Variants in KIAA1755 observed in about 807,000 individuals in gnomAD.
The protein encoded by KIAA1755 is uncharacterized protein KIAA1755.
In KIAA1755, 68 loss-of-function variants were observed where a neutral mutation model predicts 91.7. The ratio of observed to expected loss-of-function variants is 0.74; its 90% CI spans 0.61 to 0.91. KIAA1755 has a LOEUF of 0.91. Ranked by LOEUF, KIAA1755 falls within the 40% of genes least tolerant of loss-of-function variation. The probability of loss-of-function intolerance (pLI) is 0.00; values close to 1 mark genes in which losing one functional copy is unlikely to be tolerated. For synonymous variants in KIAA1755, 610 were observed against 604.6 expected, an observed-to-expected ratio of 1.01 and a Z score of -0.13; for missense variants, 1,535 against 1,494.4, an observed-to-expected ratio of 1.03 and a Z score of -0.45.
intron 11 of KIAA1755, among the ~76,000 whole-genome samples, chr20:38,219,004 A>C (rs528461397): frequency 6.6e-6 from 1 of 152,284 alleles, no homozygotes; most frequent in African/African-American, 2.4e-5. Flanking sequence ...CTTTATCTTC[A>C]CAGATCCAAT....
chr20:38,239,771 G>A (rs1231504582), intron 3 of KIAA1755, 46 bp from the exon 4 acceptor site: 1 of 1,523,314 alleles, frequency 6.6e-7, no homozygotes, highest in Non-Finnish European at 9.0e-7. Context: ...GCAGAAGATG[G>A]GCTTTCTAAG....
At chr20:38,239,417 G>T in intron 4 of KIAA1755, 111 bp downstream of exon 4, 2 of 930,852 alleles carry the variant, frequency 2.1e-6, no homozygotes, top group Non-Finnish European at 3.3e-6. Flanking sequence ...GCTTGGTCTA[G>T]AACCTAGGCC....
chr20:38,223,429 A>G, intron 9 of KIAA1755, 109 bp downstream of exon 9: 1 of 702,802 alleles, frequency 1.4e-6, no homozygotes, highest in Non-Finnish European at 2.2e-6. Flanking sequence ...GATGAAAAAC[A>G]GGAATAATGT....
Position 38,211,705 on chromosome 20 carries a change from G to A in KIAA1755, c.*1337C>T, listed in dbSNP as rs1454583552. Reference sequence around the variant, plus strand: ...TCTAAGGCGGAGAGGATTCTCTCTGGAGGACAAGGACAAGGTTCCACAGGG... The same window carrying A: ...TCTAAGGCGGAGAGGATTCTCTCTGAAGGACAAGGACAAGGTTCCACAGGG... On this transcript the variant is annotated 3_prime_UTR_variant, in exon 14 of 14. Transcript: ENST00000279024. The A allele has an allele frequency of 6.6e-6, 1 of 152,254 alleles. No homozygotes were observed. The highest frequency in any genetic ancestry group is 6.5e-5 in the Admixed American group (1 of 15,282). 9.4% of individuals were successfully genotyped at this position (152,254 alleles called of 1,614,324 possible).
chr20:38,228,128 C>A lies in KIAA1755; in HGVS notation c.1965+19G>T. The A allele has an allele frequency of 6.3e-7, 1 of 1,578,508 alleles. No individual in the cohort carries two copies. ...GCTCCCAGGACTTACTAGGCTAAGG[C>A]TCTCCACCTCCCACTCACCTGGGTG... On this transcript the variant is annotated intron_variant, in intron 6 of 13. Coordinates refer to ENST00000279024, the MANE Select transcript of KIAA1755 (RefSeq NM_001029864.2).
intron 2 of KIAA1755, among the ~76,000 whole-genome samples, chr20:38,245,005 C>G (rs949827371): frequency 2.4e-4 from 36 of 152,314 alleles, no homozygotes; most frequent in African/African-American, 8.4e-4. Context: ...GGATTACAGG[C>G]ATGAGCCACC....
intron 7 of KIAA1755, 40 bp downstream of exon 7, chr20:38,227,114 C>A (rs2075770755): frequency 6.6e-7 from 1 of 1,519,264 alleles, no homozygotes; most frequent in African/African-American, 1.4e-5. Context: ...TCGAGCCCAA[C>A]AACTCCCTTC....
At chr20:38,254,616 T>G (rs1600663949) in intron 1 of KIAA1755, among the ~76,000 whole-genome samples, 2 of 151,826 alleles carry the variant, frequency 1.3e-5, no homozygotes, top group African/African-American at 4.8e-5. Context: ...AGTGACAGCC[T>G]GTCTCTATAA....
At chr20:38,223,119 GC>G (rs982810098) in intron 9 of KIAA1755, 6 of 196,646 alleles carry the variant, frequency 3.1e-5, no homozygotes, top group Non-Finnish European at 6.2e-5. Flanking sequence ...ACATGTGTTT[GC>G]CCCCTGCCTG....
intron 13 of KIAA1755, among the ~76,000 whole-genome samples, chr20:38,215,976 A>G (rs2075536849): frequency 6.6e-6 from 1 of 152,152 alleles, no homozygotes; most frequent in East Asian, 1.9e-4. Flanking sequence ...TAGCTGTGTG[A>G]CCCTGGGTGA....
At chr20:38,232,847 G>A (rs934714656) in intron 4 of KIAA1755, among the ~76,000 whole-genome samples, 9 of 152,152 alleles carry the variant, frequency 5.9e-5, no homozygotes, top group African/African-American at 2.2e-4. Flanking sequence ...GCCGGGTGCA[G>A]TGGCTCATGC....
At chr20:38,244,085 A>G (rs1424252161) in intron 2 of KIAA1755, among the ~76,000 whole-genome samples, 1 of 152,200 alleles carries the variant, frequency 6.6e-6, no homozygotes, top group Non-Finnish European at 1.5e-5. Context: ...ATATTTGCCT[A>G]TCATTACAAT....
At chr20:38,220,931 G>A (rs536648934) in intron 10 of KIAA1755, among the ~76,000 whole-genome samples, 100 of 152,356 alleles carry the variant, frequency 6.6e-4, no homozygotes, top group Admixed American at 1.0e-3. Context: ...AGGAAGAAGT[G>A]TGGATGGGAT....
In KIAA1755 at chr20:38,241,246, G is replaced by A. The variant is rs982753326; in HGVS notation, c.885C>T (p.Gly295=). The change falls in exon 3 of 14, where the codon GGC becomes GGT. Residue 295 remains glycine (G), a synonymous_variant. Transcript: ENST00000279024. Reference sequence around the variant, plus strand: ...CCCCAGAAGTACACCCACTGGATGTGCCTGCCTCCCTACTGGGAGACTCTC... The same window carrying A: ...CCCCAGAAGTACACCCACTGGATGTACCTGCCTCCCTACTGGGAGACTCTC... The part of the protein sequence containing the change: ...SRGESPSREA[G]TSSGCTSGAL... 3.1e-6 allele frequency: 5 copies of A among 1,614,026 alleles called. No individual in the cohort carries two copies. The African/African-American group carries it at 6.7e-5, about 22-fold the overall frequency.
In KIAA1755 at chr20:38,217,408, C is replaced by A. The variant is rs765394554; in HGVS notation, c.2746G>T (p.Ala916Ser). 2 of 1,613,278 alleles carry A rather than the reference C, an allele frequency of 1.2e-6. No homozygotes were observed. Among genetic ancestry groups the A allele is most frequent in the South Asian group, 2.2e-5 (2 of 90,838 alleles). Residue 916 changes from alanine to serine, a missense_variant, in exon 13 of 14, where the codon GCT becomes TCT. Ala to Ser is a moderately conservative substitution (Grantham distance 99). Coordinates refer to ENST00000279024, the MANE Select transcript of KIAA1755 (RefSeq NM_001029864.2). The stretch of plus-strand genomic sequence containing the variant: ...AACTCTGCACGTTCTGCCTCCCCAG[C>A]CCCTCTGGCTGTAGCTCCCAGCTGA... ...AAQLGATARG[A>S]GEAERAEFPE...
chr20:38,247,099 C>G (rs1165341167), intron 1 of KIAA1755, among the ~76,000 whole-genome samples: 1 of 152,228 alleles, frequency 6.6e-6, no homozygotes, highest in East Asian at 1.9e-4. Flanking sequence ...GATCACCTGA[C>G]TCCTCTCTTT....
intron 9 of KIAA1755, 53 bp from the exon 10 acceptor site, chr20:38,222,650 C>A (rs1329987641): frequency 1.9e-6 from 3 of 1,579,164 alleles, no homozygotes; most frequent in Non-Finnish European, 1.7e-6. Context: ...CCCTCTGCAA[C>A]CTTCCAAGGC....
In KIAA1755 at chr20:38,246,112, G is replaced by A. The variant is rs757306792; in HGVS notation, c.18C>T (p.Leu6=). 6.8e-6 allele frequency: 11 copies of A among 1,612,994 alleles called. No homozygotes were observed. The highest frequency in any genetic ancestry group is 5.0e-5 in the Admixed American group (3 of 59,946). Residue 6 remains leucine (L), a synonymous_variant, in exon 2 of 14, where the codon CTC becomes CTT. Coordinates refer to ENST00000279024, the MANE Select transcript of KIAA1755 (RefSeq NM_001029864.2). The part of the protein sequence containing the change: MDPPS[L]DTAIQHALAG... ...CCAGGGCATGCTGGATGGCTGTGTC[G>A]AGGGATGGAGGGTCCTGTGGGGGAC...
rs1181162970 is a variant in KIAA1755 at position 38,217,398 on chromosome 20, G to A, written c.2756C>T (p.Ala919Val). The A allele has an allele frequency of 1.9e-6, 3 of 1,613,232 alleles. No individual in the cohort carries two copies. In the East Asian group the frequency reaches 6.7e-5, roughly 36 times the overall value. The change falls in exon 13 of 14, where the codon GCA becomes GTA. Residue 919 changes from alanine to valine, a missense_variant. Physicochemically the swap from Ala to Val is moderately conservative, Grantham distance 64. Coordinates refer to ENST00000279024, the MANE Select transcript of KIAA1755 (RefSeq NM_001029864.2). ...LGATARGAGE[A>V]ERAEFPELAA... ...CAGCTCTGGGAACTCTGCACGTTCT[G>A]CCTCCCCAGCCCCTCTGGCTGTAGC...
Sources: allele counts gnomAD v4.1 joint callset (sites outside exome capture counted in the v4.1 genomes callset), GRCh38; gene constraint gnomAD v4.1.1; transcripts MANE v1.5; gene names NCBI Gene and HGNC (gene_info 2026-07-23, HGNC 2026-07-21).